CDH18: variants seen among roughly 807,000 people sequenced by gnomAD.
CDH18 encodes the protein cadherin 18.
Under a neutral mutation model 67.9 loss-of-function variants are expected in CDH18, and 31 were observed. The ratio of observed to expected loss-of-function variants is 0.46; its 90% confidence interval spans 0.34 to 0.62. CDH18 has a LOEUF of 0.62. Ranked by LOEUF, CDH18 falls within the 20% of genes least tolerant of loss-of-function variation. CDH18 has a pLI of 0.01. For synonymous variants in CDH18, 362 were observed against 347.2 expected (o/e 1.04, Z -0.48); for missense variants, 890 against 975.5 (o/e 0.91, Z 1.17).
intron 3 of CDH18, among the ~76,000 whole-genome samples, chr5:19,769,126 G>A (rs550447564): frequency 5.3e-5 from 8 of 151,992 alleles, no homozygotes; most frequent in African/African-American, 1.9e-4. Context: ...AGAGAGAAAA[G>A]GAGACAGAAA....
chr5:19,857,127 G>T (rs1784384427), intron 2 of CDH18, among the ~76,000 whole-genome samples: 1 of 152,120 alleles, frequency 6.6e-6, no homozygotes, highest in Admixed American at 6.6e-5. Context: ...TTGGGACCAA[G>T]GCTGAGGCAG....
chr5:20,132,276 C>A (rs1749332309), intron 2 of CDH18, among the ~76,000 whole-genome samples: 1 of 152,110 alleles, frequency 6.6e-6, no homozygotes, highest in Admixed American at 6.6e-5. Flanking sequence ...ATGGCTTTTA[C>A]ACTTCCATAA....
At chr5:20,486,247 A>C (rs62355178) in intron 1 of CDH18, among the ~76,000 whole-genome samples, 38,283 of 152,010 alleles carry the variant, frequency 0.25, 5,457 homozygotes, top group African/African-American at 0.37. Flanking sequence ...TATTGAAAAG[A>C]GTAAGCGATA....
intron 5 of CDH18, among the ~76,000 whole-genome samples, chr5:19,684,799 GT>G (rs1271199987): frequency 6.6e-6 from 1 of 152,042 alleles, no homozygotes; most frequent in Non-Finnish European, 1.5e-5. Flanking sequence ...CACAATTGAA[GT>G]TTCGAGAGGT....
chr5:19,960,643 A>G, intron 2 of CDH18, among the ~76,000 whole-genome samples: 1 of 119,694 alleles, frequency 8.4e-6, no homozygotes, highest in African/African-American at 5.5e-5. Flanking sequence ...ATGTATACAT[A>G]TACACGTGTA....
intron 4 of CDH18, among the ~76,000 whole-genome samples, chr5:19,741,620 T>C (rs1298739970): frequency 6.6e-6 from 1 of 152,158 alleles, no homozygotes; most frequent in Non-Finnish European, 1.5e-5. Flanking sequence ...AGATAGAACA[T>C]ATTTTTGTTT....
chr5:20,514,671 A>G (rs1468838240), intron 1 of CDH18, among the ~76,000 whole-genome samples: 1 of 152,066 alleles, frequency 6.6e-6, no homozygotes, highest in Admixed American at 6.6e-5. Context: ...TTTATACCTC[A>G]TCTCTAAGGC....
chr5:20,249,814 A>C (rs1383985989), intron 2 of CDH18, among the ~76,000 whole-genome samples: 1 of 152,222 alleles, frequency 6.6e-6, no homozygotes, highest in African/African-American at 2.4e-5. Flanking sequence ...GTCTGGAGAA[A>C]ATTTTGATGA....
At chr5:19,732,650 C>A (rs1455605607) in intron 4 of CDH18, among the ~76,000 whole-genome samples, 1 of 152,168 alleles carries the variant, frequency 6.6e-6, no homozygotes, top group Non-Finnish European at 1.5e-5. Context: ...GGAATATCTA[C>A]TTTCTTAAAC....
At chr5:20,549,470 C>T (rs1407117980) in intron 1 of CDH18, among the ~76,000 whole-genome samples, 1 of 151,870 alleles carries the variant, frequency 6.6e-6, no homozygotes, top group Non-Finnish European at 1.5e-5. Flanking sequence ...TGTGGAACAC[C>T]AAGAGATACT....
intron 11 of CDH18, among the ~76,000 whole-genome samples, chr5:19,486,562 C>A (rs1174724507): frequency 6.6e-6 from 1 of 151,998 alleles, no homozygotes; most frequent in Non-Finnish European, 1.5e-5. Context: ...GAGGCCAAGG[C>A]GGGTGGATCA....
chr5:19,589,363 G>A (rs752986145), intron 7 of CDH18, among the ~76,000 whole-genome samples: 54 of 151,900 alleles, frequency 3.6e-4, no homozygotes, highest in African/African-American at 1.1e-3. Flanking sequence ...TATTTCCTCC[G>A]TTTTCATGCT....
intron 5 of CDH18, among the ~76,000 whole-genome samples, chr5:19,692,012 G>A (rs1761954545): frequency 6.6e-6 from 1 of 151,856 alleles, no homozygotes; most frequent in African/African-American, 2.4e-5. Context: ...AAAATAACAA[G>A]GTATTGGTAT....
At chr5:20,108,112 G>T (rs914615044) in intron 2 of CDH18, among the ~76,000 whole-genome samples, 2 of 151,928 alleles carry the variant, frequency 1.3e-5, no homozygotes, top group African/African-American at 4.8e-5. Context: ...AGGCAGTCTT[G>T]CTCTGTCGCT....
At chr5:19,645,354 G>C (rs1162747035) in intron 5 of CDH18, among the ~76,000 whole-genome samples, 1 of 152,196 alleles carries the variant, frequency 6.6e-6, no homozygotes, top group African/African-American at 2.4e-5. Context: ...AAAGCAAACT[G>C]CAAAGCTAGA....
At chr5:20,221,427 A>C (rs565915460) in intron 2 of CDH18, among the ~76,000 whole-genome samples, 3 of 152,226 alleles carry the variant, frequency 2.0e-5, no homozygotes, top group African/African-American at 7.2e-5. Context: ...AACTGAACTC[A>C]TGGAAATAGA....
At chr5:19,582,542 GA>G (rs142245879) in intron 7 of CDH18, among the ~76,000 whole-genome samples, 12,548 of 151,952 alleles carry the variant, frequency 0.083, 589 homozygotes, top group African/African-American at 0.13. Context: ...TTGAAACTTG[GA>G]ATTCCTCTAT....
intron 5 of CDH18, among the ~76,000 whole-genome samples, chr5:19,670,096 T>C (rs568529734): frequency 2.8e-4 from 43 of 151,864 alleles, no homozygotes; most frequent in African/African-American, 9.9e-4. Context: ...GAGGTGTAGA[T>C]TGCCCTACAG....
intron 2 of CDH18, among the ~76,000 whole-genome samples, chr5:20,091,083 C>CA (rs559249057): frequency 1.5e-3 from 223 of 150,014 alleles, no homozygotes; most frequent in African/African-American, 5.0e-3. Flanking sequence ...GAAAACAAAA[C>CA]AAAAAAACCC....
Sources: allele counts gnomAD v4.1 joint callset (sites outside exome capture counted in the v4.1 genomes callset), GRCh38; gene constraint gnomAD v4.1.1; transcripts MANE v1.5; gene names NCBI Gene and HGNC (gene_info 2026-07-23, HGNC 2026-07-21).